POLE: variants seen among roughly 807,000 people sequenced by gnomAD.
POLE encodes the protein DNA polymerase epsilon, catalytic subunit.
Under a neutral mutation model 279.2 loss-of-function variants are expected in POLE, and 188 were observed. The ratio of observed to expected loss-of-function variants is 0.67; its 90% CI spans 0.60 to 0.76. POLE has a LOEUF of 0.76. Among genes scored for constraint, POLE ranks in the 30% least tolerant of loss-of-function variants. The pLI, the probability that POLE is intolerant of heterozygous loss-of-function variation, is 0.00. For synonymous variants in POLE, 1,214 were observed against 1,172.5 expected, an observed-to-expected ratio of 1.04 and a Z score of -0.72; for missense variants, 2,703 against 3,016.7, an observed-to-expected ratio of 0.90 and a Z score of 2.44.
chr12:132,624,119 A>G lies in POLE; in HGVS notation c.*578T>C, dbSNP rs766454256. ...ACCCGGCTCCAAATAAGCAGGGCTC[A>G]CAAGCCAAAATCCAGATTCTCACGG... On this transcript the variant is annotated 3_prime_UTR_variant, in exon 49 of 49. Coordinates refer to ENST00000320574, the MANE Select transcript of POLE (RefSeq NM_006231.4). 16 of 212,770 alleles carry G rather than the reference A, an allele frequency of 7.5e-5. No homozygotes were observed. The highest frequency in any genetic ancestry group is 1.2e-4 in the Non-Finnish European group (13 of 105,446). The allele number at this position is 212,770 out of a possible 1,614,324, so 13.2% of individuals were successfully genotyped here.
rs1434657574 is a variant in POLE, at chr12:132,664,050, T to C, written c.2660A>G (p.Lys887Arg). Residue 887 changes from lysine (K) to arginine (R), a missense_variant, in exon 23 of 49, where the codon AAA (lysine) becomes AGA (arginine). By Grantham distance (26) the Lys-to-Arg change is conservative (BLOSUM62 2). This residue lies in a region of POLE where 101 missense variants were observed against 115.4 expected (regional missense o/e 0.87). Coordinates refer to ENST00000320574, the MANE Select transcript of POLE (RefSeq NM_006231.4). The surrounding 1 kb of genome is among the most constrained non-coding windows in gnomAD (Gnocchi z 5.3). ...VFKTTNVKKPKVTISYPGAML... is the reference protein window; with the variant it reads ...VFKTTNVKKPRVTISYPGAML... ...GGCGCCTGGGTAGGAGATGGTCACT[T>C]TGGGCTTCTTCACATTGGTCGTCTT... 1 of 1,614,202 alleles carries C rather than the reference T, an allele frequency of 6.2e-7. No homozygotes were observed. The highest frequency in any genetic ancestry group is 2.2e-5 in the East Asian group (1 of 44,886).
At position 132,659,365 on chromosome 12, in the gene POLE, C is replaced by T. The variant is rs2138675694; in HGVS notation, c.3205G>A (p.Val1069Ile). Residue 1069 changes from valine (V) to isoleucine (I), a missense_variant, in exon 26 of 49, where the codon GTC becomes ATC. Physicochemically the swap from Val to Ile is conservative, Grantham distance 29. This residue lies in a region of POLE where 1,551 missense variants were observed against 1,686.1 expected (regional missense o/e 0.92). Transcript: ENST00000320574. ...CGGCAACTCAGCCCTGCATCCTTGACCATCTGGTCTCCCAGGAACTCGGCC... is the reference window on the plus strand; with the variant it reads ...CGGCAACTCAGCCCTGCATCCTTGATCATCTGGTCTCCCAGGAACTCGGCC... ...RLAEFLGDQM[V>I]KDAGLSCRYI... is the part of the protein sequence containing the mutation. The T allele has an allele frequency of 6.2e-7, 1 of 1,614,236 alleles. No individual in the cohort carries two copies. The highest frequency in any genetic ancestry group is 8.5e-7 in the Non-Finnish European group (1 of 1,180,038).
At chr12:132,681,321 A>G (rs1022670684) in intron 1 of POLE, 42 bp from the exon 2 acceptor site, 6 of 1,587,244 alleles carry the variant, frequency 3.8e-6, no homozygotes, top group Admixed American at 1.8e-5. Flanking sequence ...TTGTAATGCC[A>G]CCTGCTGCTG....
At chr12:132,649,952 T>C (rs922656012) in intron 29 of POLE, 63 bp from the exon 30 acceptor site, 6 of 1,464,168 alleles carry the variant, frequency 4.1e-6, no homozygotes, top group East Asian at 2.3e-5. Flanking sequence ...GGCTCATGCC[T>C]GGAATGCCAG....
chr12:132,625,627 G>T lies in POLE; in HGVS notation c.6657+18C>A, dbSNP rs1209011611. 6.2e-7 allele frequency: 1 copy of T among 1,612,398 alleles called. No homozygotes were observed. ...TGTGGACTCCAGGGCACACGGGCAG[G>T]CGGCATGCACGACTCACCAGGTCCT... On this transcript the variant is annotated intron_variant, in intron 47 of 48. Coordinates refer to ENST00000320574, the MANE Select transcript of POLE (RefSeq NM_006231.4).
chr12:132,629,582 C>CT (rs2041897157), intron 45 of POLE, among the ~76,000 whole-genome samples: 1 of 152,230 alleles, frequency 6.6e-6, no homozygotes, highest in African/African-American at 2.4e-5. Context: ...TCAAGCTTTC[C>CT]TTCTACAGCC....
In POLE at chr12:132,675,547, T is replaced by C; in HGVS notation, c.1107-30A>G. ...GTTGGAAAGAGGACAGACAAGCAAG[T>C]GGGCAGGTCAGGCTCTAATGCCCCT... On this transcript the variant is annotated intron_variant, in intron 11 of 48. Transcript: ENST00000320574. The surrounding 1 kb of genome is among the most constrained non-coding windows in gnomAD (Gnocchi z 4.3). 2 of 1,613,194 alleles carry C rather than the reference T, an allele frequency of 1.2e-6. No individual in the cohort carries two copies. Among genetic ancestry groups the C allele is most frequent in the Non-Finnish European group, 1.7e-6 (2 of 1,179,714 alleles).
Position 132,635,695 on chromosome 12 carries a change from C to G in POLE, c.5811+197G>C, listed in dbSNP as rs115258822. On this transcript the variant is annotated intron_variant, in intron 42 of 48. Transcript: ENST00000320574. ...TGTTGCCCACGGCAAGCCTTGCCAT[C>G]ACCAGGGCTGACGCCACACTCCACA... Among the ~76,000 whole-genome samples the G allele has an allele frequency of 1.7e-3, 255 of 152,376 alleles. 2 individuals carry two copies. The highest frequency in any genetic ancestry group is 5.9e-3 in the African/African-American group (247 of 41,596).
At position 132,664,004 on chromosome 12, in the gene POLE, C is replaced by T; in HGVS notation, c.2706G>A (p.Lys902=). Residue 902 remains lysine (K), a splice_region_variant and synonymous_variant, in exon 23 of 49, where the codon AAG becomes AAA. Transcript: ENST00000320574. This position sits in a 1 kb window ranked among gnomAD's most constrained non-coding sequence, Gnocchi z 5.3. ...YPGAMLNIMV[K]EGFTNDQYQE... is the part of the protein sequence containing the mutation. ...TCAGGACCAGAGGCCCCAGACTCAC[C>T]TTGACCATGATGTTCAACATGGCGC... 6.2e-7 allele frequency: 1 copy of T among 1,613,982 alleles called. No individual in the cohort carries two copies. Among genetic ancestry groups the T allele is most frequent in the African/African-American group, 1.3e-5 (1 of 75,038 alleles).
At chr12:132,679,875 T>C (rs2043131485) in intron 5 of POLE, 79 bp downstream of exon 5, 3 of 1,143,416 alleles carry the variant, frequency 2.6e-6, no homozygotes, top group Non-Finnish European at 3.8e-6. Context: ...CCTGAATTTC[T>C]ACCTCTTCCG....
chr12:132,638,061 C>T lies in POLE; in HGVS notation c.5631G>A (p.Lys1877=), dbSNP rs1188299024. The change falls in exon 41 of 49, where the codon AAG becomes AAA. Residue 1877 remains lysine (K), a synonymous_variant. Coordinates refer to ENST00000320574, the MANE Select transcript of POLE (RefSeq NM_006231.4). The part of the protein sequence containing the change: ...NFNRIILCTK[K]RRVEDAIAYV... ...AAGCGATGGCATCTTCCACACGGCGCTTCTTTGTACAGAGGATGATGCGGT... is the reference window on the plus strand; with the variant it reads ...AAGCGATGGCATCTTCCACACGGCGTTTCTTTGTACAGAGGATGATGCGGT... 1.2e-6 allele frequency: 2 copies of T among 1,613,908 alleles called. No individual in the cohort carries two copies. The highest frequency in any genetic ancestry group is 2.2e-5 in the East Asian group (1 of 44,890).
chr12:132,641,908 C>G, intron 38 of POLE, 57 bp from the exon 39 acceptor site: 1 of 1,550,838 alleles, frequency 6.4e-7, no homozygotes, highest in Non-Finnish European at 8.8e-7. Flanking sequence ...CACCACCAGC[C>G]CCCTGGGCCT....
intron 1 of POLE, among the ~76,000 whole-genome samples, chr12:132,683,458 C>T (rs1162427189): frequency 1.3e-5 from 2 of 152,180 alleles, no homozygotes; most frequent in East Asian, 1.9e-4. Flanking sequence ...CTTCTGACTT[C>T]TAAAACCGTA....
rs374800058 is a variant in POLE, at chr12:132,668,398, A to G, written c.2131T>C (p.Ser711Pro). ...TCGTATTTCGCCTGTTCCTCGCGGG[A>G]CAGTTCATGAAAGGCCCGAGCTGGC... ...EGPARAFHELSREEQAKYEKR... is the reference protein window; with the variant it reads ...EGPARAFHELPREEQAKYEKR... The change falls in exon 19 of 49, where the codon TCC becomes CCC. Residue 711 changes from serine (S) to proline (P), a missense_variant. By Grantham distance (74) the Ser-to-Pro change is moderately conservative. Transcript: ENST00000320574. The surrounding 1 kb of genome is among the most constrained non-coding windows in gnomAD (Gnocchi z 4.0). 1.9e-5 allele frequency: 30 copies of G among 1,609,994 alleles called. No homozygotes were observed. The highest frequency in any genetic ancestry group is 5.1e-6 in the Non-Finnish European group (6 of 1,177,858).
chr12:132,642,399 T>C lies in POLE; in HGVS notation c.4953-2A>G, dbSNP rs2042166568. 2 of 1,580,916 alleles carry C rather than the reference T, an allele frequency of 1.3e-6. No individual in the cohort carries two copies. Among genetic ancestry groups the C allele is most frequent in the Non-Finnish European group, 1.7e-6 (2 of 1,159,826 alleles). On this transcript the variant is annotated splice_acceptor_variant, in intron 37 of 48. Coordinates refer to ENST00000320574, the MANE Select transcript of POLE (RefSeq NM_006231.4). LOFTEE classifies it high-confidence loss of function. ...TTCCCAATGGGAATGTGAAAGTACC[T>C]GCACCAGGGCACAGGTCAGCACCGG...
chr12:132,675,479 C>T lies in POLE; in HGVS notation c.1145G>A (p.Ser382Asn), dbSNP rs761600715. ...CTGGAAGCCTATCTCCTGCTGCATG[C>T]TCAGACCGTGGACTGCTGCCCGGGC... is the stretch of plus-strand genomic sequence containing the variant. ...VEARAAVHGL[S>N]MQQEIGFQKD... The change falls in exon 12 of 49, where the codon AGC becomes AAC. Residue 382 changes from serine to asparagine, a missense_variant. Physicochemically the swap from Ser to Asn is conservative, Grantham distance 46 (BLOSUM62 1). This residue lies in a region of POLE where 1,011 missense variants were observed against 1,111.7 expected (regional missense o/e 0.91). Transcript: ENST00000320574. The surrounding 1 kb of genome is among the most constrained non-coding windows in gnomAD (Gnocchi z 4.3). 82 of 1,614,066 alleles carry T rather than the reference C, an allele frequency of 5.1e-5. 2 individuals carry two copies. The South Asian group carries it at 8.2e-4, about 16-fold the overall frequency.
At position 132,668,374 on chromosome 12, in the gene POLE, C is replaced by A. The variant is rs765254190; in HGVS notation, c.2155G>T (p.Glu719Ter). ...CACTCACCCGCCAGCCTTCTCTTCT[C>A]GTATTTCGCCTGTTCCTCGCGGGAC... ...ELSREEQAKY[E>*]KRRLADYCRK... is the part of the protein sequence containing the mutation. The change falls in exon 19 of 49, where the codon GAG becomes TAG. Residue 719 changes from glutamate (E) to a stop codon, truncating the protein, a stop_gained. Coordinates refer to ENST00000320574, the MANE Select transcript of POLE (RefSeq NM_006231.4). LOFTEE classifies it high-confidence loss of function. This position sits in a 1 kb window ranked among gnomAD's most constrained non-coding sequence, Gnocchi z 4.0. 6.3e-7 allele frequency: 1 copy of A among 1,585,458 alleles called. No individual in the cohort carries two copies. The highest frequency in any genetic ancestry group is 8.6e-7 in the Non-Finnish European group (1 of 1,164,946).
chr12:132,632,851 G>A (rs2041963037), intron 43 of POLE, 56 bp from the exon 44 acceptor site: 1 of 1,531,364 alleles, frequency 6.5e-7, no homozygotes, highest in Non-Finnish European at 8.7e-7. Flanking sequence ...AAACACCCTA[G>A]AATCTGAGGG....
Position 132,673,665 on chromosome 12 carries a change from A to G in POLE, c.1269T>C (p.Asn423=). 1 of 1,613,996 alleles carries G rather than the reference A, an allele frequency of 6.2e-7. No individual in the cohort carries two copies. Among genetic ancestry groups the G allele is most frequent in the African/African-American group, 1.3e-5 (1 of 75,038 alleles). The change falls in exon 13 of 49, where the codon AAT becomes AAC. Residue 423 remains asparagine (N), a synonymous_variant. Coordinates refer to ENST00000320574, the MANE Select transcript of POLE (RefSeq NM_006231.4). Reference sequence around the variant, plus strand: ...GCTTGGCCTTGGCGGCCGCCTTGAGATTATGACTGCCCACAGGAAGGTAAC... The same window carrying G: ...GCTTGGCCTTGGCGGCCGCCTTGAGGTTATGACTGCCCACAGGAAGGTAAC... ...RDSYLPVGSH[N]LKAAAKAKLG... is the part of the protein sequence containing the mutation.
Sources: allele counts gnomAD v4.1 joint callset (sites outside exome capture counted in the v4.1 genomes callset), GRCh38; gene constraint gnomAD v4.1.1; regional missense constraint gnomAD v4.1.1; non-coding constraint Gnocchi (gnomAD v3.1); transcripts MANE v1.5; gene names NCBI Gene and HGNC (gene_info 2026-07-23, HGNC 2026-07-21).